The following DMD variants were observed in gnomAD, a reference collection of about 807,000 sequenced individuals.
The protein encoded by DMD is dystrophin, also known as mutant dystrophin.
DMD carries 63 observed loss-of-function variants against 330.1 expected under a neutral mutation model. The observed-to-expected ratio is 0.19, with a 90% CI of 0.16 to 0.24. The LOEUF (loss-of-function observed/expected upper bound fraction) is 0.24, where lower values mean the gene tolerates loss of function less well. Ranked by LOEUF, DMD falls within the 10% of genes least tolerant of loss-of-function variation. The pLI is 1.00. For missense variants in DMD, 3,344 were observed against 2,684.1 expected (o/e 1.25, Z -5.43); for synonymous variants, 1,223 against 959.8 (o/e 1.27, Z -5.07).
At chrX:32,351,648 C>T (rs1044023484) in intron 37 of DMD, among the ~76,000 whole-genome samples, 3 of 109,223 alleles carry the variant, frequency 2.7e-5, no homozygotes, top group Non-Finnish European at 5.8e-5. Flanking sequence ...TAAATATTTC[C>T]TGAAAAAATA....
chrX:33,047,341 C>T (rs1039446353), intron 1 of DMD, among the ~76,000 whole-genome samples: 3 of 111,020 alleles, frequency 2.7e-5, no homozygotes, highest in African/African-American at 6.6e-5. Flanking sequence ...TGAATATATT[C>T]GATTGTATTT....
chrX:31,177,824 T>TAAAAC lies in DMD; in HGVS notation c.10262+103_10262+107dup, dbSNP rs766042645. 5.1e-5 allele frequency: 39 copies of TAAAAC among 768,851 alleles called. 1 individual carries two copies. In the Middle Eastern group the frequency reaches 2.9e-3, roughly 57 times the overall value. The allele number at this position is 768,851 out of a possible 1,213,427, so 63.4% of individuals were successfully genotyped here. A position where few individuals can be genotyped will look rare whatever the true frequency, so the allele number is the denominator to read the frequency against. ...GAAGGAAGGGGAATTAATATGTCCA[T>TAAAAC]AAAACAAAACAAAACAAAAGAAAAC... On this transcript the variant is annotated intron_variant, in intron 71 of 78. Transcript: ENST00000357033.
At chrX:32,342,839 T>C (rs1569558937) in intron 40 of DMD, 1 of 387,202 alleles carries the variant, frequency 2.6e-6, no homozygotes, top group South Asian at 2.6e-5. Context: ...TACCGATAAG[T>C]CATTAGTTCA....
chrX:32,714,685 G>A (rs890878933), intron 7 of DMD, among the ~76,000 whole-genome samples: 4 of 111,491 alleles, frequency 3.6e-5, no homozygotes, highest in African/African-American at 1.3e-4. Context: ...TTCATCATAT[G>A]TGACTTCCTT....
intron 50 of DMD, among the ~76,000 whole-genome samples, chrX:31,785,785 C>CT (rs1435739521): frequency 1.8e-5 from 2 of 111,650 alleles, no homozygotes; most frequent in East Asian, 2.8e-4. Flanking sequence ...CGAACGCATC[C>CT]TTTTTTATGG....
At chrX:33,283,954 G>C (rs1332722958) in intron 1 of DMD, among the ~76,000 whole-genome samples, 2 of 110,508 alleles carry the variant, frequency 1.8e-5, no homozygotes, top group Admixed American at 9.7e-5. Flanking sequence ...GGAGGCGGAG[G>C]TTGCAGTGAG....
At chrX:31,451,997 G>A (rs1021089849) in intron 59 of DMD, among the ~76,000 whole-genome samples, 4 of 109,955 alleles carry the variant, frequency 3.6e-5, no homozygotes, top group African/African-American at 1.3e-4. Context: ...CACTTTTGAC[G>A]AGTAAACTGA....
intron 2 of DMD, among the ~76,000 whole-genome samples, chrX:33,007,240 C>T (rs2093414907): frequency 9.0e-6 from 1 of 110,806 alleles, no homozygotes; most frequent in Middle Eastern, 4.3e-3. Context: ...TCTAATACCA[C>T]TCCACTTGCA....
intron 60 of DMD, among the ~76,000 whole-genome samples, chrX:31,422,246 G>A (rs2063486136): frequency 9.2e-6 from 1 of 108,965 alleles, no homozygotes; most frequent in Non-Finnish European, 1.9e-5. Context: ...CTGGCCTCAG[G>A]TGATCTGCCT....
At chrX:31,471,083 G>A (rs1053429344) in intron 59 of DMD, among the ~76,000 whole-genome samples, 7 of 111,671 alleles carry the variant, frequency 6.3e-5, no homozygotes, top group Non-Finnish European at 1.9e-5. Flanking sequence ...TAGCTGGCTG[G>A]GCTCCGTTGG....
chrX:32,243,414 A>G (rs765498779), intron 43 of DMD, among the ~76,000 whole-genome samples: 1 of 111,964 alleles, frequency 8.9e-6, no homozygotes. Context: ...ATAAAAGACA[A>G]TTATATGATG....
intron 51 of DMD, among the ~76,000 whole-genome samples, chrX:31,761,914 C>T (rs979374135): frequency 5.4e-5 from 6 of 112,095 alleles, no homozygotes; most frequent in African/African-American, 9.7e-5. Flanking sequence ...GCTGCCTATC[C>T]GATACCCTTT....
At chrX:32,603,666 G>A (rs1395544585) in intron 12 of DMD, among the ~76,000 whole-genome samples, 2 of 111,216 alleles carry the variant, frequency 1.8e-5, no homozygotes, top group African/African-American at 3.3e-5. Flanking sequence ...AGAGATGATA[G>A]ATGTGACGTT....
intron 4 of DMD, among the ~76,000 whole-genome samples, chrX:32,838,403 C>T (rs1462667400): frequency 1.8e-5 from 2 of 110,677 alleles, no homozygotes; most frequent in Non-Finnish European, 1.9e-5. Context: ...CCTAGCCCCC[C>T]ACCCTCTGAC....
At chrX:32,801,368 G>A (rs1291323943) in intron 7 of DMD, among the ~76,000 whole-genome samples, 1 of 110,925 alleles carries the variant, frequency 9.0e-6, no homozygotes, top group Non-Finnish European at 1.9e-5. Flanking sequence ...TTTTTGATGG[G>A]GTTATTTTCC....
At chrX:32,161,715 T>C (rs2096849926) in intron 44 of DMD, among the ~76,000 whole-genome samples, 1 of 111,775 alleles carries the variant, frequency 8.9e-6, no homozygotes, top group Non-Finnish European at 1.9e-5. Context: ...TTATAAAGAA[T>C]AAGCCCTGAG....
At position 32,485,115 on chromosome X, in the gene DMD, T is replaced by C. The variant is rs763945709; in HGVS notation, c.2623-16A>G. 8.3e-7 allele frequency: 1 copy of C among 1,201,064 alleles called. No homozygotes were observed. The highest frequency in any genetic ancestry group is 1.1e-6 in the Non-Finnish European group (1 of 885,869). On this transcript the variant is annotated splice_polypyrimidine_tract_variant and intron_variant, in intron 20 of 78. Transcript: ENST00000357033. Reference sequence around the variant, plus strand: ...TGACTTCATCCTGTGCCATAGAGTATGGAAAGTAAGTAACACGTTTACTTT... The same window carrying C: ...TGACTTCATCCTGTGCCATAGAGTACGGAAAGTAAGTAACACGTTTACTTT...
intron 1 of DMD, among the ~76,000 whole-genome samples, chrX:33,093,128 G>T (rs2095108572): frequency 9.0e-6 from 1 of 111,731 alleles, no homozygotes; most frequent in Non-Finnish European, 1.9e-5. Context: ...ACCCGCCTCG[G>T]CCTCCCAAAG....
chrX:31,300,280 A>G (rs969861028), intron 62 of DMD, among the ~76,000 whole-genome samples: 6 of 112,404 alleles, frequency 5.3e-5, no homozygotes, highest in African/African-American at 1.9e-4. Flanking sequence ...TGTTACAAAA[A>G]TCTTCCTACA....
Sources: allele counts gnomAD v4.1 joint callset (sites outside exome capture counted in the v4.1 genomes callset), GRCh38; gene constraint gnomAD v4.1.1; transcripts MANE v1.5; gene names NCBI Gene and HGNC (gene_info 2026-07-23, HGNC 2026-07-21).